Variants in MAP4 observed in about 807,000 individuals in gnomAD.
MAP4 encodes microtubule-associated protein 4.
A neutral mutation model predicts 170.2 loss-of-function variants in MAP4; 76 were observed. That is an observed-to-expected ratio of 0.45 (90% CI 0.37 to 0.54). The LOEUF is 0.54. Among genes scored for constraint, MAP4 ranks in the 20% least tolerant of loss-of-function variants. The probability of loss-of-function intolerance (pLI) is 0.00; values close to 1 mark genes in which losing one functional copy is unlikely to be tolerated. For synonymous variants in MAP4, 909 were observed against 994.5 expected (o/e 0.91, Z 1.62); for missense variants, 2,506 against 2,748.0 (o/e 0.91, Z 1.97).
chr3:47,907,406 A>G (rs2153459219), intron 9 of MAP4, among the ~76,000 whole-genome samples: 1 of 152,290 alleles, frequency 6.6e-6, no homozygotes, highest in Middle Eastern at 3.4e-3. Context: ...CCTATTCGAC[A>G]ATTAGTTTAA....
At chr3:47,943,077 T>C (rs191246037) in intron 3 of MAP4, among the ~76,000 whole-genome samples, 3 of 152,124 alleles carry the variant, frequency 2.0e-5, no homozygotes, top group South Asian at 2.1e-4. Flanking sequence ...AGAACCACTG[T>C]ATTCCTGGGC....
rs2040497620 is a variant in MAP4 at position 47,850,839 on chromosome 3, A to G, written c.*2095T>C. On this transcript the variant is annotated 3_prime_UTR_variant, in exon 21 of 21. Coordinates refer to ENST00000683076, the MANE Select transcript of MAP4 (RefSeq NM_001385682.1). ...CAAACAGCTGCGGAGTACACATCAC[A>G]CAGGGCCTCTGGTCCCGGCCTTCTC... 2 of 152,278 alleles carry G rather than the reference A, an allele frequency of 1.3e-5. No individual in the cohort carries two copies. The allele number at this position is 152,278 out of a possible 1,614,324, so 9.4% of individuals were successfully genotyped here.
intron 3 of MAP4, among the ~76,000 whole-genome samples, chr3:47,963,850 TA>T (rs1401823689): frequency 6.6e-6 from 1 of 152,066 alleles, no homozygotes; most frequent in Non-Finnish European, 1.5e-5. Context: ...AAAATTCAAG[TA>T]GAACAGTGGG....
chr3:47,964,428 T>G (rs922353111), intron 3 of MAP4, among the ~76,000 whole-genome samples: 4 of 152,166 alleles, frequency 2.6e-5, no homozygotes, highest in Non-Finnish European at 5.9e-5. Flanking sequence ...ACCAAATGTT[T>G]AGCCTTAACA....
intron 3 of MAP4, chr3:47,960,748 A>T (rs2100071077): frequency 1.2e-5 from 2 of 167,428 alleles, no homozygotes. Context: ...CCAATGTAAG[A>T]TTCTCATGAC....
At chr3:47,974,242 A>T in intron 3 of MAP4, 1 of 424,286 alleles carries the variant, frequency 2.4e-6, no homozygotes, top group Non-Finnish European at 3.2e-6. Flanking sequence ...CCTGGCCAAC[A>T]AAGTAAAACC....
intron 18 of MAP4, among the ~76,000 whole-genome samples, chr3:47,856,101 G>A (rs1485104463): frequency 6.6e-6 from 1 of 152,186 alleles, no homozygotes; most frequent in African/African-American, 2.4e-5. Context: ...ATGAGACCAA[G>A]GGGAAGGGTG....
chr3:47,952,941 C>CA (rs559696839), intron 3 of MAP4, among the ~76,000 whole-genome samples: 1,768 of 147,686 alleles, frequency 0.012, 13 homozygotes, highest in East Asian at 0.024. Context: ...AAATAAAATA[C>CA]AAAAAAAAAA....
At chr3:47,925,769 T>A (rs774554009) in intron 4 of MAP4, among the ~76,000 whole-genome samples, 44 of 152,184 alleles carry the variant, frequency 2.9e-4, no homozygotes, top group Non-Finnish European at 5.7e-4. Flanking sequence ...AGTTTCTTTT[T>A]GTGGTAATAA....
chr3:47,996,019 C>T (rs1286769923), intron 2 of MAP4, among the ~76,000 whole-genome samples: 1 of 152,216 alleles, frequency 6.6e-6, no homozygotes, highest in African/African-American at 2.4e-5. Context: ...TCACAGATGT[C>T]TGCCGCATGC....
intron 18 of MAP4, among the ~76,000 whole-genome samples, chr3:47,856,334 TAGG>T (rs2056326232): frequency 6.6e-6 from 1 of 152,152 alleles, no homozygotes; most frequent in African/African-American, 2.4e-5. Flanking sequence ...AAGTATCTGA[TAGG>T]AGATTTCCCA....
intron 16 of MAP4, among the ~76,000 whole-genome samples, chr3:47,867,935 C>CA (rs1449700982): frequency 6.6e-6 from 1 of 152,208 alleles, no homozygotes; most frequent in African/African-American, 2.4e-5. Context: ...ACAGAATCTC[C>CA]AACACCAGGG....
intron 1 of MAP4, among the ~76,000 whole-genome samples, chr3:48,015,478 C>T (rs749726570): frequency 6.6e-6 from 1 of 152,152 alleles, no homozygotes; most frequent in Non-Finnish European, 1.5e-5. Flanking sequence ...TTGAAAGGAA[C>T]CCCACGTCGC....
chr3:47,928,194 C>T (rs1486546934), intron 4 of MAP4, 34 bp downstream of exon 4: 2 of 1,610,010 alleles, frequency 1.2e-6, no homozygotes, highest in Non-Finnish European at 8.5e-7. Context: ...TGTCATAGCA[C>T]ACATTTAGTA....
At chr3:47,999,747 C>T (rs916815054) in intron 1 of MAP4, among the ~76,000 whole-genome samples, 8 of 151,652 alleles carry the variant, frequency 5.3e-5, no homozygotes, top group Non-Finnish European at 1.0e-4. Context: ...CTATTGGGTA[C>T]TAGACTTAAT....
chr3:47,859,592 C>A (rs958018024), intron 17 of MAP4, among the ~76,000 whole-genome samples: 2 of 152,204 alleles, frequency 1.3e-5, no homozygotes, highest in African/African-American at 4.8e-5. Context: ...GCCTTCCATA[C>A]GGCCTCACAT....
At chr3:47,886,848 T>C (rs757294968) in intron 10 of MAP4, among the ~76,000 whole-genome samples, 1 of 152,236 alleles carries the variant, frequency 6.6e-6, no homozygotes, top group African/African-American at 2.4e-5. Context: ...CCCTCTCATA[T>C]CCTCAGCGTT....
chr3:47,934,767 T>C (rs929842916), intron 3 of MAP4, among the ~76,000 whole-genome samples: 1 of 152,218 alleles, frequency 6.6e-6, no homozygotes, highest in Non-Finnish European at 1.5e-5. Flanking sequence ...GAGGATCACC[T>C]AATCCAAACC....
chr3:48,085,821 C>T (rs1253175245), intron 1 of MAP4, among the ~76,000 whole-genome samples: 2 of 152,094 alleles, frequency 1.3e-5, no homozygotes, highest in East Asian at 3.8e-4. Context: ...CTTTGGGAGG[C>T]CGAGGCAGGC....
Sources: allele counts gnomAD v4.1 joint callset (sites outside exome capture counted in the v4.1 genomes callset), GRCh38; gene constraint gnomAD v4.1.1; transcripts MANE v1.5; gene names NCBI Gene and HGNC (gene_info 2026-07-23, HGNC 2026-07-21).